KLF18: variants seen among roughly 807,000 people sequenced by gnomAD.
KLF18 encodes Kruppel-like factor 18.
chr1:44,141,093 G>A lies in KLF18; in HGVS notation c.539C>T (p.Thr180Ile), dbSNP rs2154312296. Residue 180 changes from threonine (T) to isoleucine (I), a missense_variant, in exon 1 of 2, where the codon ACT becomes ATT. Thr to Ile is a moderately conservative substitution (Grantham distance 89). Transcript: ENST00000634670. The part of the protein sequence containing the change: ...DQMKTLSDNQ[T>I]LCGDQVTFSS... ...GAAGGTCACCTGGTCCCCACAGAGAGTCTGGTTATCACTGAGGGTCTTCAT... is the reference window on the plus strand; with the variant it reads ...GAAGGTCACCTGGTCCCCACAGAGAATCTGGTTATCACTGAGGGTCTTCAT... 2 of 398,678 alleles carry A rather than the reference G, an allele frequency of 5.0e-6. No individual in the cohort carries two copies. The highest frequency in any genetic ancestry group is 8.8e-6 in the Non-Finnish European group (2 of 226,136). 24.7% of individuals were successfully genotyped at this position (398,678 alleles called of 1,614,324 possible).
chr1:44,138,137 G>A, intron 1 of KLF18, 126 bp from the exon 2 acceptor site: 4 of 397,166 alleles, frequency 1.0e-5, no homozygotes, highest in Non-Finnish European at 1.8e-5. Flanking sequence ...GAAGAGACGG[G>A]AGTGGTGGAG....
At chr1:44,138,586 T>A (rs1452102876) in intron 1 of KLF18, 78 bp downstream of exon 1, 1 of 385,578 alleles carries the variant, frequency 2.6e-6, no homozygotes, top group East Asian at 3.7e-5. Flanking sequence ...TTAAAGGAAG[T>A]GGCAGCAATC....
Position 44,139,039 on chromosome 1 carries a change from C to T in KLF18, c.2593G>A (p.Gly865Arg), listed in dbSNP as rs970725730. 3.8e-5 allele frequency: 15 copies of T among 397,888 alleles called. No individual in the cohort carries two copies. Among genetic ancestry groups the T allele is most frequent in the Admixed American group, 8.8e-5 (2 of 22,660 alleles). The allele number at this position is 397,888 out of a possible 1,614,324, so 24.6% of individuals were successfully genotyped here. A position where few individuals can be genotyped will look rare whatever the true frequency, so the allele number is the denominator to read the frequency against. ...MTSTGNQNLYGGQNMTSTDNQ... is the reference protein window; with the variant it reads ...MTSTGNQNLYRGQNMTSTDNQ... The stretch of plus-strand genomic sequence containing the variant: ...TCAGTGGAGGTCATATTCTGCCCCC[C>T]GTAGAGGTTCTGGTTACCAGTGGAG... The change falls in exon 1 of 2, where the codon GGG becomes AGG. Residue 865 changes from glycine (G) to arginine (R), a missense_variant. Physicochemically the swap from Gly to Arg is moderately radical, Grantham distance 125. Coordinates refer to ENST00000634670, the MANE Select transcript of KLF18 (RefSeq NM_001358438.1).
Position 44,141,276 on chromosome 1 carries a change from T to A in KLF18, c.356A>T (p.Asp119Val), listed in dbSNP as rs1166145838. ...VKHTAGSQMT[D>V]VTVTPKSSPT... ...TGATGACTTTGGGGTGACAGTAACA[T>A]CTGTCATCTGGGAGCCTGCTGTGTG... Residue 119 changes from aspartate to valine, a missense_variant, in exon 1 of 2, where the codon GAT becomes GTT. By Grantham distance (152) the Asp-to-Val change is radical. Transcript: ENST00000634670. The A allele has an allele frequency of 2.5e-6, 1 of 398,514 alleles. No individual in the cohort carries two copies. The highest frequency in any genetic ancestry group is 2.1e-5 in the African/African-American group (1 of 48,592). 24.7% of individuals were successfully genotyped at this position (398,514 alleles called of 1,614,324 possible). A position where few individuals can be genotyped will look rare whatever the true frequency, so the allele number is the denominator to read the frequency against.
Position 44,138,254 on chromosome 1 carries a change from G to A in KLF18, c.2969-243C>T, listed in dbSNP as rs531953987. Among the ~76,000 whole-genome samples, 7 of 152,246 alleles carry A rather than the reference G, an allele frequency of 4.6e-5. No homozygotes were observed. In the South Asian group the frequency reaches 1.5e-3, roughly 32 times the overall value. On this transcript the variant is annotated intron_variant, in intron 1 of 1. Coordinates refer to ENST00000634670, the MANE Select transcript of KLF18 (RefSeq NM_001358438.1). ...GGAAGAAGAAAAAAAACAAACAGGA[G>A]GAGAGACAGTTATTGGCAGGCAAGT...
chr1:44,141,615 A>C lies in KLF18; in HGVS notation c.17T>G (p.Leu6Arg). Residue 6 changes from leucine to arginine, a missense_variant, in exon 1 of 2, where the codon CTC becomes CGC. By Grantham distance (102) the Leu-to-Arg change is moderately radical. Coordinates refer to ENST00000634670, the MANE Select transcript of KLF18 (RefSeq NM_001358438.1). MDSSL[L>R]QAIEEIEKFF... is the part of the protein sequence containing the mutation. Reference sequence around the variant, plus strand: ...TTTCTCAATTTCCTCAATTGCCTGGAGAAGACTGGAATCCATCTCTTTGAT... The same window carrying C: ...TTTCTCAATTTCCTCAATTGCCTGGCGAAGACTGGAATCCATCTCTTTGAT... 1 of 398,632 alleles carries C rather than the reference A, an allele frequency of 2.5e-6. No homozygotes were observed. Among genetic ancestry groups the C allele is most frequent in the East Asian group, 3.6e-5 (1 of 28,076 alleles). The allele number at this position is 398,632 out of a possible 1,614,324, so 24.7% of individuals were successfully genotyped here.
In KLF18 at chr1:44,140,737, T is replaced by G; in HGVS notation, c.895A>C (p.Ser299Arg). 2.7e-6 allele frequency: 1 copy of G among 376,802 alleles called. No homozygotes were observed. Among genetic ancestry groups the G allele is most frequent in the Non-Finnish European group, 4.6e-6 (1 of 217,242 alleles). 23.3% of individuals were successfully genotyped at this position (376,802 alleles called of 1,614,324 possible). ...LCGEQMTTST[S>R]NQTLCGEQVM... ...TGCTCCCCACAGAGGGTCTGGTTAC[T>G]AGTGGAGGTTGTCATCTGCTCTCCA... Residue 299 changes from serine (S) to arginine (R), a missense_variant, in exon 1 of 2, where the codon AGT becomes CGT. By Grantham distance (110) the Ser-to-Arg change is moderately radical. Transcript: ENST00000634670.
rs1643191105 is a variant in KLF18 at position 44,138,684 on chromosome 1, G to T, written c.2948C>A (p.Thr983Asn). 2.5e-6 allele frequency: 1 copy of T among 398,514 alleles called. No individual in the cohort carries two copies. The highest frequency in any genetic ancestry group is 2.1e-5 in the African/African-American group (1 of 48,626). The allele number at this position is 398,514 out of a possible 1,614,324, so 24.7% of individuals were successfully genotyped here. A position where few individuals can be genotyped will look rare whatever the true frequency, so the allele number is the denominator to read the frequency against. Residue 983 changes from threonine to asparagine, a missense_variant, in exon 1 of 2, where the codon ACC becomes AAC. Physicochemically the swap from Thr to Asn is moderately conservative, Grantham distance 65. Coordinates refer to ENST00000634670, the MANE Select transcript of KLF18 (RefSeq NM_001358438.1). ...CTCACCGGTGTGCTTGCGCATGTGG[G>T]TTCGGAGGTGGCAAGCCTTTGAATA... The part of the protein sequence containing the change: ...MSYSKACHLR[T>N]HMRKHTGEKP...
Position 44,138,740 on chromosome 1 carries a change from A to G in KLF18, c.2892T>C (p.Tyr964=). The change falls in exon 1 of 2, where the codon TAT becomes TAC. Residue 964 remains tyrosine, a synonymous_variant. Transcript: ENST00000634670. ...FWKNPEVSRP[Y]VCTYEDCKMS... ...TCTTGCAGTCCTCGTAAGTGCAGAC[A>G]TAGGGCCTTGAAACCTCAGGATTCT... 2.5e-6 allele frequency: 1 copy of G among 398,638 alleles called. No individual in the cohort carries two copies. Among genetic ancestry groups the G allele is most frequent in the Non-Finnish European group, 4.4e-6 (1 of 226,056 alleles). The allele number at this position is 398,638 out of a possible 1,614,324, so 24.7% of individuals were successfully genotyped here.
Position 44,138,608 on chromosome 1 carries a change from C to CA in KLF18, c.2968+55_2968+56insT, listed in dbSNP as rs1557736710. ...AAGTGGCAGCAATCTCAAATGCTTC[C>CA]GGGCACAAATCTGTAGCCACTTGCC... On this transcript the variant is annotated intron_variant, in intron 1 of 1. Transcript: ENST00000634670. 2.1e-4 allele frequency: 23 copies of CA among 107,934 alleles called. No individual in the cohort carries two copies. The African/African-American group carries it at 3.2e-3, about 15-fold the overall frequency. The allele number at this position is 107,934 out of a possible 1,614,324, so 6.7% of individuals were successfully genotyped here. A position where few individuals can be genotyped will look rare whatever the true frequency, so the allele number is the denominator to read the frequency against.
Position 44,140,119 on chromosome 1 carries a change from T to G in KLF18, c.1513A>C (p.Met505Leu), listed in dbSNP as rs937416851. Residue 505 changes from methionine to leucine, a missense_variant, in exon 1 of 2, where the codon ATG becomes CTG. Transcript: ENST00000634670. ...GNQTLYWGQMMTSTGNQNLCG... is the reference protein window; with the variant it reads ...GNQTLYWGQMLTSTGNQNLCG... ...AGGTTCTGGTTACCAGTGGAGGTCATCATCTGCCCCCAGTAGAGGGTCTGG... is the reference window on the plus strand; with the variant it reads ...AGGTTCTGGTTACCAGTGGAGGTCAGCATCTGCCCCCAGTAGAGGGTCTGG... 6.2e-5 allele frequency: 24 copies of G among 388,962 alleles called. No homozygotes were observed. The Admixed American group carries it at 1.1e-3, about 17-fold the overall frequency. The allele number at this position is 388,962 out of a possible 1,614,324, so 24.1% of individuals were successfully genotyped here.
chr1:44,140,992 T>C lies in KLF18; in HGVS notation c.640A>G (p.Thr214Ala), dbSNP rs1572000767. The C allele has an allele frequency of 2.5e-6, 1 of 398,692 alleles. No homozygotes were observed. The highest frequency in any genetic ancestry group is 3.6e-5 in the East Asian group (1 of 28,058). The allele number at this position is 398,692 out of a possible 1,614,324, so 24.7% of individuals were successfully genotyped here. A position where few individuals can be genotyped will look rare whatever the true frequency, so the allele number is the denominator to read the frequency against. The change falls in exon 1 of 2, where the codon ACA becomes GCA. Residue 214 changes from threonine to alanine, a missense_variant. Transcript: ENST00000634670. ...CCTCCATAGAGGTCTAGACTGGTTG[T>C]CATTTGGCCCCCAGAGAGGGTCTCA... ...SDETLSGGQMTTSLDLYGGQM... is the reference protein window; with the variant it reads ...SDETLSGGQMATSLDLYGGQM...
intron 1 of KLF18, 85 bp from the exon 2 acceptor site, chr1:44,138,096 T>C (rs1037345810): frequency 7.5e-6 from 3 of 397,772 alleles, no homozygotes; most frequent in Non-Finnish European, 1.3e-5. Context: ...AAAACGTTTT[T>C]GAACAAGTTG....
chr1:44,139,410 TGCCCCC>T lies in KLF18; in HGVS notation c.2216_2221del (p.Trp739_Gln741delinsTer). 6 of 260,322 alleles carry T rather than the reference TGCCCCC, an allele frequency of 2.3e-5. No individual in the cohort carries two copies. The highest frequency in any genetic ancestry group is 4.4e-5 in the Non-Finnish European group (6 of 136,686). 16.1% of individuals were successfully genotyped at this position (260,322 alleles called of 1,614,324 possible). On this transcript the variant is annotated stop_gained and inframe_deletion, in exon 1 of 2. Coordinates refer to ENST00000634670, the MANE Select transcript of KLF18 (RefSeq NM_001358438.1). LOFTEE classifies it high-confidence loss of function. ...CTGGTTACCAGTGGAGGTCATCATC[TGCCCCC>T]AGTAGAGGGTCTGGTTACCAGTGGA...
At position 44,139,697 on chromosome 1, in the gene KLF18, T is replaced by C. The variant is rs1274136569; in HGVS notation, c.1935A>G (p.Thr645=). 224 of 277,660 alleles carry C rather than the reference T, an allele frequency of 8.1e-4. No individual in the cohort carries two copies. The highest frequency in any genetic ancestry group is 4.2e-3 in the Middle Eastern group (4 of 958). 17.2% of individuals were successfully genotyped at this position (277,660 alleles called of 1,614,324 possible). A position where few individuals can be genotyped will look rare whatever the true frequency, so the allele number is the denominator to read the frequency against. Residue 645 remains threonine, a synonymous_variant, in exon 1 of 2, where the codon ACA becomes ACG. Transcript: ENST00000634670. ...AGAGGGTCTGGTTACTAGTGGAGGT[T>C]GTCATCTGCTCTCCACAGAGGGTCT... ...SNQTLCGEQM[T]TSTSNQTLCE... is the part of the protein sequence containing the mutation.
chr1:44,138,420 A>T (rs1478178919), intron 1 of KLF18, among the ~76,000 whole-genome samples: 1 of 152,170 alleles, frequency 6.6e-6, no homozygotes, highest in African/African-American at 2.4e-5. Context: ...CCATCAAACC[A>T]GCAGTCAACA....
intron 1 of KLF18, 80 bp from the exon 2 acceptor site, chr1:44,138,091 G>A (rs757098929): frequency 1.8e-5 from 7 of 397,838 alleles, no homozygotes; most frequent in Middle Eastern, 6.2e-4. Context: ...ACAAGAAAAC[G>A]TTTTTGAACA....
chr1:44,139,816 T>C lies in KLF18; in HGVS notation c.1816A>G (p.Thr606Ala), dbSNP rs1643216386. The C allele has an allele frequency of 2.6e-6, 1 of 377,744 alleles. No individual in the cohort carries two copies. The highest frequency in any genetic ancestry group is 4.6e-5 in the Admixed American group (1 of 21,836). The allele number at this position is 377,744 out of a possible 1,614,324, so 23.4% of individuals were successfully genotyped here. A position where few individuals can be genotyped will look rare whatever the true frequency, so the allele number is the denominator to read the frequency against. The change falls in exon 1 of 2, where the codon ACT (threonine) becomes GCT (alanine). Residue 606 changes from threonine to alanine, a missense_variant. Thr to Ala is a moderately conservative substitution (Grantham distance 58, BLOSUM62 0). Transcript: ENST00000634670. The part of the protein sequence containing the change: ...TLCGEQVTTS[T>A]GNQALYGGQM... The stretch of plus-strand genomic sequence containing the variant: ...CCCCCATAGAGGGCCTGGTTACCAG[T>C]GGAGGTCGTCACCTGCTCCCCACAA...
chr1:44,139,141 T>C lies in KLF18; in HGVS notation c.2491A>G (p.Ser831Gly), dbSNP rs77005718. 870 of 189,028 alleles carry C rather than the reference T, an allele frequency of 4.6e-3. No individual in the cohort carries two copies. Among genetic ancestry groups the C allele is most frequent in the African/African-American group, 0.022 (302 of 13,632 alleles). 11.7% of individuals were successfully genotyped at this position (189,028 alleles called of 1,614,324 possible). A position where few individuals can be genotyped will look rare whatever the true frequency, so the allele number is the denominator to read the frequency against. The part of the protein sequence containing the change: ...LCGEQMTTST[S>G]NQTLCGEQVT... ...TGCTCCCCACAGAGGGTCTGGTTAC[T>C]AGTGGAGGTCGTCATCTGCTCTCCA... Residue 831 changes from serine (S) to glycine (G), a missense_variant, in exon 1 of 2, where the codon AGT (serine) becomes GGT (glycine). By Grantham distance (56) the Ser-to-Gly change is moderately conservative (BLOSUM62 0). Coordinates refer to ENST00000634670, the MANE Select transcript of KLF18 (RefSeq NM_001358438.1).
Sources: allele counts gnomAD v4.1 joint callset (sites outside exome capture counted in the v4.1 genomes callset), GRCh38; gene constraint gnomAD v4.1.1; transcripts MANE v1.5; gene names NCBI Gene and HGNC (gene_info 2026-07-23, HGNC 2026-07-21).